PCDH15: variants seen among roughly 807,000 people sequenced by gnomAD.
PCDH15 encodes protocadherin-15.
PCDH15 carries 129 observed loss-of-function variants against 178.5 expected under a neutral mutation model. The ratio of observed to expected loss-of-function variants is 0.72; its 90% CI spans 0.63 to 0.84. PCDH15 has a LOEUF of 0.84. Among genes scored for constraint, PCDH15 ranks in the 40% least tolerant of loss-of-function variants. The pLI, the probability that PCDH15 is intolerant of heterozygous loss-of-function variation, is 0.00. For synonymous variants in PCDH15, 800 were observed against 732.0 expected, an observed-to-expected ratio of 1.09 and a Z score of -1.50; for missense variants, 2,230 against 2,099.9, an observed-to-expected ratio of 1.06 and a Z score of -1.21.
chr10:53,827,510 G>A lies in PCDH15; in HGVS notation c.4250C>T (p.Ala1417Val). ...TGCTGGTTTAGCCGCGGGTAATGCG[G>A]CCTGAATTCGTGCAGTCTTTGTACA... is the stretch of plus-strand genomic sequence containing the variant. Reference protein sequence around the residue: ...AECTKTARIQAALPAAKPAVP... With the variant: ...AECTKTARIQVALPAAKPAVP... The change falls in exon 32 of 38, where the codon GCC becomes GTC. Residue 1417 changes from alanine (A) to valine (V), a missense_variant. Ala to Val is a moderately conservative substitution (Grantham distance 64). Coordinates refer to ENST00000644397, the MANE Select transcript of PCDH15 (RefSeq NM_001384140.1). The A allele has an allele frequency of 1.9e-6, 3 of 1,614,120 alleles. No individual in the cohort carries two copies. The highest frequency in any genetic ancestry group is 2.5e-6 in the Non-Finnish European group (3 of 1,179,958).
intron 9 of PCDH15, among the ~76,000 whole-genome samples, chr10:54,214,954 T>C (rs1424096265): frequency 1.3e-5 from 2 of 152,212 alleles, no homozygotes; most frequent in Non-Finnish European, 2.9e-5. Context: ...AAATGTCTTC[T>C]AATTGTATAA....
chr10:53,852,589 G>A (rs1014707743), intron 28 of PCDH15, among the ~76,000 whole-genome samples: 1 of 152,010 alleles, frequency 6.6e-6, no homozygotes, highest in Non-Finnish European at 1.5e-5. Context: ...CATTTTCCAG[G>A]TACTGCGGTC....
intron 18 of PCDH15, among the ~76,000 whole-genome samples, chr10:54,047,616 A>T (rs532137408): frequency 6.6e-6 from 1 of 151,876 alleles, no homozygotes; most frequent in African/African-American, 2.4e-5. Flanking sequence ...TCCCAACTTT[A>T]TGTCCATGTG....
intron 8 of PCDH15, among the ~76,000 whole-genome samples, chr10:54,303,656 C>G (rs1283784201): frequency 6.6e-6 from 1 of 152,084 alleles, no homozygotes; most frequent in Non-Finnish European, 1.5e-5. Flanking sequence ...TCTGTAAACA[C>G]TACGTGGTAT....
chr10:54,139,522 G>C (rs941674424), intron 14 of PCDH15, among the ~76,000 whole-genome samples: 1 of 152,124 alleles, frequency 6.6e-6, no homozygotes, highest in East Asian at 1.9e-4. Flanking sequence ...AAAAGTTATG[G>C]GGAAACATAT....
intron 25 of PCDH15, among the ~76,000 whole-genome samples, chr10:53,905,720 C>A (rs2082636077): frequency 6.6e-6 from 1 of 151,954 alleles, no homozygotes; most frequent in African/African-American, 2.4e-5. Flanking sequence ...ATTCAAATAC[C>A]AAATTGTTCC....
intron 2 of PCDH15, among the ~76,000 whole-genome samples, chr10:54,570,600 TGTTGGCATTCCTTAA>T (rs1195531237): frequency 3.5e-4 from 53 of 152,008 alleles, no homozygotes; most frequent in Non-Finnish European, 6.2e-4. Flanking sequence ...TATTAAGTTG[TGTTGGCATTCCTTAA>T]ATTCTGCACC....
chr10:54,028,337 G>A (rs1210125654), intron 18 of PCDH15, among the ~76,000 whole-genome samples: 1 of 148,574 alleles, frequency 6.7e-6, no homozygotes, highest in Non-Finnish European at 1.5e-5. Context: ...TACACTGTTG[G>A]TGGGACTGTA....
intron 2 of PCDH15, among the ~76,000 whole-genome samples, chr10:55,340,357 A>G (rs1165448622): frequency 6.6e-6 from 1 of 151,910 alleles, no homozygotes; most frequent in Non-Finnish European, 1.5e-5. Context: ...TACCTGTAGC[A>G]CTGGAGTGAT....
At chr10:54,777,803 C>T (rs1386844755) in intron 1 of PCDH15, among the ~76,000 whole-genome samples, 1 of 151,660 alleles carries the variant, frequency 6.6e-6, no homozygotes, top group Non-Finnish European at 1.5e-5. Flanking sequence ...TTCTTTTTGC[C>T]AAAAGAAAGT....
chr10:54,685,100 G>A (rs994962661), intron 1 of PCDH15, among the ~76,000 whole-genome samples: 9 of 151,530 alleles, frequency 5.9e-5, no homozygotes, highest in Admixed American at 1.3e-4. Flanking sequence ...ATTAGCCTAG[G>A]CCTACACCGG....
intron 2 of PCDH15, among the ~76,000 whole-genome samples, chr10:54,989,838 T>A (rs1490394615): frequency 6.6e-6 from 1 of 152,142 alleles, no homozygotes. Flanking sequence ...CCCACACAAA[T>A]CTCATCTTGC....
At chr10:54,518,032 T>C (rs1489837263) in intron 3 of PCDH15, among the ~76,000 whole-genome samples, 1 of 152,136 alleles carries the variant, frequency 6.6e-6, no homozygotes, top group Non-Finnish European at 1.5e-5. Context: ...AGACGCAATA[T>C]ACCAGAATCT....
At chr10:54,533,727 T>C (rs1430700071) in intron 2 of PCDH15, among the ~76,000 whole-genome samples, 1 of 152,204 alleles carries the variant, frequency 6.6e-6, no homozygotes, top group Non-Finnish European at 1.5e-5. Context: ...TAGTAGAGTA[T>C]TTGACTTAAC....
chr10:54,780,971 A>G, intron 1 of PCDH15, among the ~76,000 whole-genome samples: 1 of 152,046 alleles, frequency 6.6e-6, no homozygotes, highest in Non-Finnish European at 1.5e-5. Flanking sequence ...TGTGGGAGAA[A>G]ATGACACGCA....
At chr10:55,422,863 A>G (rs1216607500) in intron 2 of PCDH15, among the ~76,000 whole-genome samples, 1 of 151,904 alleles carries the variant, frequency 6.6e-6, no homozygotes, top group African/African-American at 2.4e-5. Flanking sequence ...TGCCAAAGGA[A>G]ATAAAACTAA....
chr10:55,181,316 A>C (rs1315633466), intron 1 of PCDH15, among the ~76,000 whole-genome samples: 2 of 152,006 alleles, frequency 1.3e-5, no homozygotes, highest in Admixed American at 6.6e-5. Context: ...TCTTTTGCTT[A>C]TGACCATTAA....
At chr10:55,270,143 T>A (rs558537036) in intron 1 of PCDH15, among the ~76,000 whole-genome samples, 1 of 152,022 alleles carries the variant, frequency 6.6e-6, no homozygotes, top group Non-Finnish European at 1.5e-5. Flanking sequence ...TCAAGATGAA[T>A]AAAACATTTA....
chr10:53,863,974 A>G (rs2079276446), intron 27 of PCDH15, among the ~76,000 whole-genome samples: 1 of 152,180 alleles, frequency 6.6e-6, no homozygotes, highest in African/African-American at 2.4e-5. Flanking sequence ...ATAGCATGCC[A>G]GTTAATCAGG....
Sources: gnomAD v4.1 joint callset for allele counts (sites outside exome capture counted in the v4.1 genomes callset) on GRCh38, gnomAD v4.1.1 for gene constraint, MANE v1.5 for transcripts, NCBI Gene and HGNC (gene_info 2026-07-23, HGNC 2026-07-21) for gene names.